TMEM131L: variants seen among roughly 807,000 people sequenced by gnomAD.
TMEM131L encodes transmembrane protein 131-like.
Under a neutral mutation model 192.2 loss-of-function variants are expected in TMEM131L, and 54 were observed. The observed-to-expected ratio is 0.28, with a 90% CI of 0.23 to 0.35. The LOEUF (loss-of-function observed/expected upper bound fraction) is 0.35, where lower values mean the gene tolerates loss of function less well. TMEM131L is among the 10% of genes least tolerant of loss of function. The pLI is 1.00. For synonymous variants in TMEM131L, 701 were observed against 704.9 expected, an observed-to-expected ratio of 0.99 and a Z score of 0.09; for missense variants, 1,888 against 1,972.9, an observed-to-expected ratio of 0.96 and a Z score of 0.82.
intron 23 of TMEM131L, 120 bp from the exon 24 acceptor site, chr4:153,603,183 T>C (rs893279219): frequency 8.2e-5 from 68 of 833,618 alleles, no homozygotes; most frequent in Non-Finnish European, 1.0e-4. Flanking sequence ...CTTAGGGAAT[T>C]TTAATACTGC....
chr4:153,627,916 A>G (rs1733963060), intron 31 of TMEM131L, among the ~76,000 whole-genome samples: 2 of 152,302 alleles, frequency 1.3e-5, no homozygotes, highest in South Asian at 4.1e-4. Flanking sequence ...CCCTCCCTAC[A>G]GCTGAGGCAC....
At chr4:153,530,730 A>G (rs17030081) in intron 3 of TMEM131L, among the ~76,000 whole-genome samples, 2,948 of 152,294 alleles carry the variant, frequency 0.019, 71 homozygotes, top group African/African-American at 0.06. Context: ...TTGGACCAGC[A>G]GCAGTGACAG....
chr4:153,495,171 C>G (rs1054792954), intron 3 of TMEM131L, among the ~76,000 whole-genome samples: 37 of 152,098 alleles, frequency 2.4e-4, no homozygotes, highest in African/African-American at 8.7e-4. Flanking sequence ...AAAAATTAGC[C>G]GGGCGTGGTG....
chr4:153,470,596 C>T (rs1209007928), intron 2 of TMEM131L, among the ~76,000 whole-genome samples: 2 of 152,222 alleles, frequency 1.3e-5, no homozygotes, highest in Non-Finnish European at 2.9e-5. Flanking sequence ...TGTACTTGAA[C>T]ACACTGAATG....
chr4:153,611,603 A>G (rs1478136500), intron 25 of TMEM131L, among the ~76,000 whole-genome samples: 1 of 152,164 alleles, frequency 6.6e-6, no homozygotes, highest in Non-Finnish European at 1.5e-5. Flanking sequence ...CAGACAGTAA[A>G]TCTGCACCCA....
At chr4:153,551,506 C>T (rs183790814) in intron 4 of TMEM131L, among the ~76,000 whole-genome samples, 12 of 152,074 alleles carry the variant, frequency 7.9e-5, no homozygotes, top group African/African-American at 1.2e-4. Context: ...TATGGGTGCC[C>T]GCCACCACGC....
At chr4:153,521,647 G>A (rs1423897257) in intron 3 of TMEM131L, among the ~76,000 whole-genome samples, 3 of 151,988 alleles carry the variant, frequency 2.0e-5, no homozygotes, top group Non-Finnish European at 4.4e-5. Flanking sequence ...TCATCTTGTA[G>A]AACTGAAACT....
chr4:153,635,651 C>T, intron 34 of TMEM131L, 80 bp downstream of exon 34: 1 of 1,508,830 alleles, frequency 6.6e-7, no homozygotes. Context: ...CTGGTCTCAG[C>T]TAGCTTTAGC....
rs1387533103 is a variant in TMEM131L, at chr4:153,585,479, T to A, written c.1179T>A (p.Ser393=). The A allele has an allele frequency of 6.2e-7, 1 of 1,614,036 alleles. No individual in the cohort carries two copies. The highest frequency in any genetic ancestry group is 2.2e-5 in the East Asian group (1 of 44,894). The change falls in exon 13 of 35, where the codon TCT becomes TCA. Residue 393 remains serine, a synonymous_variant. Coordinates refer to ENST00000409959, the MANE Select transcript of TMEM131L (RefSeq NM_001131007.2). Reference sequence around the variant, plus strand: ...ACAGGTATTTTAGAATGGACTCTTCTGCAACCCAGTTTCACATAGAGACTC... The same window carrying A: ...ACAGGTATTTTAGAATGGACTCTTCAGCAACCCAGTTTCACATAGAGACTC... ...VAQGYFRMDS[S]ATQFHIETHE...
chr4:153,472,337 G>A (rs1254418985), intron 2 of TMEM131L, among the ~76,000 whole-genome samples: 1 of 152,120 alleles, frequency 6.6e-6, no homozygotes, highest in Non-Finnish European at 1.5e-5. Context: ...CACTATTATG[G>A]TGGTAAAGTT....
chr4:153,525,536 C>T (rs1331122835), intron 3 of TMEM131L, among the ~76,000 whole-genome samples: 1 of 152,186 alleles, frequency 6.6e-6, no homozygotes, highest in Non-Finnish European at 1.5e-5. Context: ...GACAGGGTTT[C>T]ACCACATTGA....
At chr4:153,624,800 AT>A (rs1408133716) in intron 29 of TMEM131L, among the ~76,000 whole-genome samples, 1 of 152,180 alleles carries the variant, frequency 6.6e-6, no homozygotes, top group Admixed American at 6.5e-5. Context: ...AACACAAGCC[AT>A]AGAGAATTTC....
chr4:153,604,377 A>G lies in TMEM131L; in HGVS notation c.3365A>G (p.Asn1122Ser). 3 of 1,612,862 alleles carry G rather than the reference A, an allele frequency of 1.9e-6. No individual in the cohort carries two copies. The highest frequency in any genetic ancestry group is 2.2e-5 in the East Asian group (1 of 44,874). The change falls in exon 25 of 35, where the codon AAC becomes AGC. Residue 1122 changes from asparagine (N) to serine (S), a missense_variant. By Grantham distance (46) the Asn-to-Ser change is conservative (BLOSUM62 1). Transcript: ENST00000409959. ...KKLPENHLPR[N>S]SPQYHQPDLP... ...CTACCTGAAAACCATTTACCAAGAA[A>G]CTCACCTCAGTACCACCAGCCAGAC...
intron 3 of TMEM131L, among the ~76,000 whole-genome samples, chr4:153,475,983 G>C (rs2149758611): frequency 6.6e-6 from 1 of 152,302 alleles, no homozygotes; most frequent in South Asian, 2.1e-4. Context: ...TTTGGAAACA[G>C]TGTCTCACTC....
At chr4:153,587,669 G>T in intron 14 of TMEM131L, 73 bp from the exon 15 acceptor site, 1 of 1,114,038 alleles carries the variant, frequency 9.0e-7, no homozygotes, top group South Asian at 1.2e-5. Context: ...TGTCTGCTTT[G>T]AATTTTAGTG....
rs986739300 is a variant in TMEM131L, at chr4:153,636,523, A to G, written c.4780A>G (p.Arg1594Gly). 2.5e-6 allele frequency: 4 copies of G among 1,614,106 alleles called. No individual in the cohort carries two copies. The African/African-American group carries it at 5.3e-5, about 22-fold the overall frequency. The change falls in exon 35 of 35, where the codon AGG becomes GGG. Residue 1594 changes from arginine to glycine, a missense_variant. Physicochemically the swap from Arg to Gly is moderately radical, Grantham distance 125. Transcript: ENST00000409959. Reference protein sequence around the residue: ...NLDIWTTTANRNANFPLSRDS... With the variant: ...NLDIWTTTANGNANFPLSRDS... ...GGACATATGGACTACCACAGCGAAT[A>G]GGAATGCAAATTTCCCACTGTCTAG... is the stretch of plus-strand genomic sequence containing the variant.
At chr4:153,471,874 A>G (rs1446642726) in intron 2 of TMEM131L, among the ~76,000 whole-genome samples, 1 of 152,244 alleles carries the variant, frequency 6.6e-6, no homozygotes, top group African/African-American at 2.4e-5. Context: ...AAAAATATCA[A>G]GTTTATTTTC....
chr4:153,622,402 G>A (rs1416771535), intron 28 of TMEM131L, among the ~76,000 whole-genome samples: 3 of 152,166 alleles, frequency 2.0e-5, no homozygotes, highest in Admixed American at 6.5e-5. Context: ...CCCATGTCCC[G>A]ACACAGGCCA....
At chr4:153,469,659 G>A (rs1454749137) in intron 2 of TMEM131L, among the ~76,000 whole-genome samples, 1 of 152,148 alleles carries the variant, frequency 6.6e-6, no homozygotes, top group Non-Finnish European at 1.5e-5. Context: ...CAGGCTGGTG[G>A]CTCACGTCTG....
Sources: gnomAD v4.1 joint callset for allele counts (sites outside exome capture counted in the v4.1 genomes callset) on GRCh38, gnomAD v4.1.1 for gene constraint, MANE v1.5 for transcripts, NCBI Gene and HGNC (gene_info 2026-07-23, HGNC 2026-07-21) for gene names.